Variants in LIPH observed in about 807,000 individuals in gnomAD.
LIPH encodes the protein lipase member H.
A neutral mutation model predicts 47.6 loss-of-function variants in LIPH; 32 were observed. That is an observed-to-expected ratio of 0.67 (90% confidence interval 0.51 to 0.90). The LOEUF is 0.90. Among genes scored for constraint, LIPH ranks in the 40% least tolerant of loss-of-function variants. The pLI is 0.00. For synonymous variants in LIPH, 190 were observed against 195.6 expected (o/e 0.97, Z 0.24); for missense variants, 497 against 541.4 (o/e 0.92, Z 0.81).
intron 5 of LIPH, among the ~76,000 whole-genome samples, chr3:185,521,105 T>G (rs917146303): frequency 6.6e-6 from 1 of 152,094 alleles, no homozygotes; most frequent in African/African-American, 2.4e-5. Flanking sequence ...TGACCTCAGG[T>G]GATCTGCCCA....
At chr3:185,532,437 G>A (rs918687069) in intron 3 of LIPH, among the ~76,000 whole-genome samples, 4 of 151,288 alleles carry the variant, frequency 2.6e-5, no homozygotes, top group South Asian at 2.1e-4. Flanking sequence ...TTGTGCCTGG[G>A]GGGGCGTTGA....
chr3:185,548,121 T>G (rs75430983), intron 1 of LIPH, among the ~76,000 whole-genome samples: 6,428 of 152,112 alleles, frequency 0.042, 268 homozygotes, highest in East Asian at 0.24. Context: ...AGAAAATGAG[T>G]TGGGGCCGGG....
At chr3:185,526,155 G>T (rs1200997494) in intron 4 of LIPH, among the ~76,000 whole-genome samples, 1 of 152,070 alleles carries the variant, frequency 6.6e-6, no homozygotes, top group Non-Finnish European at 1.5e-5. Context: ...GAAGTGGGAG[G>T]ATCGATTGAT....
Position 185,524,036 on chromosome 3 carries a change from T to C in LIPH, c.718+35A>G, listed in dbSNP as rs1719987867. The C allele has an allele frequency of 2.7e-6, 4 of 1,479,430 alleles. No homozygotes were observed. In the African/African-American group the frequency reaches 5.5e-5, roughly 20 times the overall value. The allele number at this position is 1,479,430 out of a possible 1,614,324, so 91.6% of individuals were successfully genotyped here. On this transcript the variant is annotated intron_variant, in intron 5 of 9. Transcript: ENST00000296252. Reference sequence around the variant, plus strand: ...CATGCACAGCCTCCAAATATGCCTTTTTATACCACTATTTTACAAAATATA... The same window carrying C: ...CATGCACAGCCTCCAAATATGCCTTCTTATACCACTATTTTACAAAATATA...
chr3:185,518,883 C>T (rs896542326), intron 6 of LIPH, among the ~76,000 whole-genome samples: 3 of 151,734 alleles, frequency 2.0e-5, no homozygotes, highest in Non-Finnish European at 4.4e-5. Context: ...CACCACCACA[C>T]CCGGCTACTT....
intron 3 of LIPH, among the ~76,000 whole-genome samples, chr3:185,532,612 A>G (rs1236729581): frequency 3.3e-5 from 5 of 152,164 alleles, no homozygotes; most frequent in Non-Finnish European, 7.4e-5. Context: ...CAACATGGCG[A>G]AACAATGTCT....
chr3:185,541,467 C>T (rs1720709674), intron 1 of LIPH, among the ~76,000 whole-genome samples: 1 of 146,132 alleles, frequency 6.8e-6, no homozygotes, highest in Non-Finnish European at 1.5e-5. Context: ...TGCACTGGCA[C>T]AATCACAGCT....
At chr3:185,533,874 A>G (rs960109367) in intron 2 of LIPH, among the ~76,000 whole-genome samples, 195 bp from the exon 3 acceptor site, 4 of 152,216 alleles carry the variant, frequency 2.6e-5, no homozygotes, top group Non-Finnish European at 5.9e-5. Flanking sequence ...TGAGGCCCTA[A>G]GCTGAAGTCA....
intron 1 of LIPH, among the ~76,000 whole-genome samples, chr3:185,545,723 C>CA (rs1423926199): frequency 6.6e-6 from 1 of 151,660 alleles, no homozygotes; most frequent in Non-Finnish European, 1.5e-5. Context: ...AACAAAAAAA[C>CA]AAAAAAACAC....
chr3:185,513,433 A>G (rs1719632465), intron 8 of LIPH, among the ~76,000 whole-genome samples: 1 of 152,198 alleles, frequency 6.6e-6, no homozygotes. Flanking sequence ...AACATAACAA[A>G]TATTGGTGAG....
At chr3:185,542,196 G>A (rs1720735874) in intron 1 of LIPH, among the ~76,000 whole-genome samples, 2 of 152,326 alleles carry the variant, frequency 1.3e-5, no homozygotes, top group Admixed American at 1.3e-4. Context: ...GCTGAGGTCA[G>A]AGAGAGCAAC....
chr3:185,517,995 G>C (rs1012759499), intron 6 of LIPH, among the ~76,000 whole-genome samples: 2 of 152,128 alleles, frequency 1.3e-5, no homozygotes, highest in Admixed American at 1.3e-4. Context: ...GCCAGAATGT[G>C]GAGTGAGGGC....
chr3:185,518,248 G>A (rs1719791890), intron 6 of LIPH, among the ~76,000 whole-genome samples: 1 of 152,092 alleles, frequency 6.6e-6, no homozygotes, highest in Non-Finnish European at 1.5e-5. Flanking sequence ...ATACTCTACA[G>A]TTGCTTTTCT....
chr3:185,534,836 T>C lies in LIPH; in HGVS notation c.346A>G (p.Ile116Val). Residue 116 changes from isoleucine (I) to valine (V), a missense_variant, in exon 2 of 10, where the codon ATA (isoleucine) becomes GTA (valine). Ile to Val is a conservative substitution (Grantham distance 29). Coordinates refer to ENST00000296252, the MANE Select transcript of LIPH (RefSeq NM_139248.3). ...VDWNRGATTLIYTHASSKTRK... is the reference protein window; with the variant it reads ...VDWNRGATTLVYTHASSKTRK... Reference sequence around the variant, plus strand: ...GTCTTACTAGAGGCATGGGTATATATTAAAGTTGTAGCTCCTCGATTCCAA... The same window carrying C: ...GTCTTACTAGAGGCATGGGTATATACTAAAGTTGTAGCTCCTCGATTCCAA... 6.2e-7 allele frequency: 1 copy of C among 1,613,932 alleles called. No individual in the cohort carries two copies. Among genetic ancestry groups the C allele is most frequent in the Non-Finnish European group, 8.5e-7 (1 of 1,179,782 alleles).
chr3:185,522,384 C>T (rs925232537), intron 5 of LIPH, among the ~76,000 whole-genome samples: 2 of 151,878 alleles, frequency 1.3e-5, no homozygotes, highest in African/African-American at 4.8e-5. Context: ...TAGCTCACAC[C>T]TGTAATCCTA....
chr3:185,536,633 A>G (rs1165497756), intron 1 of LIPH, among the ~76,000 whole-genome samples: 2 of 152,210 alleles, frequency 1.3e-5, no homozygotes, highest in Admixed American at 1.3e-4. Context: ...GAGTGAGTGA[A>G]GTTTCATAAT....
chr3:185,529,928 A>AAGAAAGAGAGAAAGAG (rs1560165102), intron 3 of LIPH, among the ~76,000 whole-genome samples: 4 of 45,470 alleles, frequency 8.8e-5, no homozygotes, highest in African/African-American at 2.3e-4. Flanking sequence ...GAAAGAAAGA[A>AAGAAAGAGAGAAAGAG]AGAAAGAAAG....
chr3:185,531,142 A>G (rs1720318558), intron 3 of LIPH, among the ~76,000 whole-genome samples: 1 of 152,198 alleles, frequency 6.6e-6, no homozygotes, highest in Admixed American at 6.5e-5. Flanking sequence ...ATAGATACGG[A>G]GCCCCAAACC....
intron 6 of LIPH, among the ~76,000 whole-genome samples, chr3:185,517,438 G>C (rs57388442): frequency 6.6e-6 from 1 of 152,098 alleles, no homozygotes; most frequent in Non-Finnish European, 1.5e-5. Flanking sequence ...GCACACACTG[G>C]TGTGGACTAA....
Sources: gnomAD v4.1 joint callset for allele counts (sites outside exome capture counted in the v4.1 genomes callset) on GRCh38, gnomAD v4.1.1 for gene constraint, MANE v1.5 for transcripts, NCBI Gene and HGNC (gene_info 2026-07-23, HGNC 2026-07-21) for gene names.